The following CLIC6 variants were observed in gnomAD, a reference collection of about 807,000 sequenced individuals.
CLIC6 encodes chloride intracellular channel protein 6.
A neutral mutation model predicts 49.2 loss-of-function variants in CLIC6; 39 were observed. That is an observed-to-expected ratio of 0.79 (90% CI 0.61 to 1.04). The LOEUF (loss-of-function observed/expected upper bound fraction) is 1.04, where lower values mean the gene tolerates loss of function less well. CLIC6 is among the 50% of genes least tolerant of loss of function. CLIC6 has a pLI of 0.00. For synonymous variants in CLIC6, 446 were observed against 433.4 expected (o/e 1.03, Z -0.36); for missense variants, 988 against 993.1 (o/e 0.99, Z 0.07).
At chr21:34,685,662 G>A (rs1326783992) in intron 1 of CLIC6, among the ~76,000 whole-genome samples, 1 of 152,212 alleles carries the variant, frequency 6.6e-6, no homozygotes, top group Non-Finnish European at 1.5e-5. Context: ...TCTCCAAACA[G>A]AGAATCCAGT....
At chr21:34,701,726 C>A (rs976173574) in intron 1 of CLIC6, among the ~76,000 whole-genome samples, 1 of 152,134 alleles carries the variant, frequency 6.6e-6, no homozygotes, top group Non-Finnish European at 1.5e-5. Flanking sequence ...CCTGATGTTG[C>A]CTGAAAAGGG....
chr21:34,676,432 AG>A (rs1338207355), intron 1 of CLIC6, among the ~76,000 whole-genome samples: 1 of 152,230 alleles, frequency 6.6e-6, no homozygotes, highest in East Asian at 1.9e-4. Context: ...GCCCTCCCAG[AG>A]TTTACCATCT....
intron 1 of CLIC6, among the ~76,000 whole-genome samples, chr21:34,696,575 T>C (rs79714176): frequency 0.017 from 2,641 of 152,272 alleles, 74 homozygotes; most frequent in African/African-American, 0.059. Flanking sequence ...CCTCTCTGTG[T>C]CTTGGTTTTC....
At chr21:34,703,984 C>T (rs975505114) in intron 1 of CLIC6, among the ~76,000 whole-genome samples, 1 of 152,204 alleles carries the variant, frequency 6.6e-6, no homozygotes, top group Non-Finnish European at 1.5e-5. Flanking sequence ...CATTCTCAAA[C>T]TGCTTACTTT....
intron 1 of CLIC6, among the ~76,000 whole-genome samples, chr21:34,691,573 G>T (rs111761289): frequency 1.3e-5 from 2 of 150,982 alleles, no homozygotes; most frequent in Non-Finnish European, 2.9e-5. Context: ...AGGGAGTGTC[G>T]GGGAAAACTA....
intron 5 of CLIC6, among the ~76,000 whole-genome samples, chr21:34,710,685 C>T (rs571039670): frequency 3.3e-5 from 5 of 152,182 alleles, no homozygotes; most frequent in East Asian, 3.9e-4. Context: ...TGGTGGCGGG[C>T]ACCTGTACTC....
chr21:34,669,301 G>T lies in CLIC6; in HGVS notation c.-88G>T, dbSNP rs550290619. The T allele has an allele frequency of 9.2e-7, 1 of 1,084,948 alleles. No individual in the cohort carries two copies. Among genetic ancestry groups the T allele is most frequent in the African/African-American group, 1.6e-5 (1 of 61,650 alleles). The allele number at this position is 1,084,948 out of a possible 1,614,324, so 67.2% of individuals were successfully genotyped here. On this transcript the variant is annotated 5_prime_UTR_variant, in exon 1 of 6. Coordinates refer to ENST00000349499, the MANE Select transcript of CLIC6 (RefSeq NM_053277.3). ...CCGGCGTCCTTCAAGGAGCACAGAG[G>T]GCCCCGTAGCACGCCCCTTGCCCAG...
rs147692668 is a variant in CLIC6 at position 34,714,602 on chromosome 21, C to T, written c.1900-1719C>T. Reference sequence around the variant, plus strand: ...ACTCGGGAGGCTGAGGGAGGAAAATCGCTTGAACCTGGGAGGTGGAGGTTG... The same window carrying T: ...ACTCGGGAGGCTGAGGGAGGAAAATTGCTTGAACCTGGGAGGTGGAGGTTG... On this transcript the variant is annotated intron_variant, in intron 5 of 5. Coordinates refer to ENST00000349499, the MANE Select transcript of CLIC6 (RefSeq NM_053277.3). 1.8e-3 allele frequency among the ~76,000 whole-genome samples: 273 copies of T among 151,690 alleles called. 1 individual carries two copies. The highest frequency in any genetic ancestry group is 6.3e-3 in the African/African-American group (262 of 41,342).
intron 1 of CLIC6, among the ~76,000 whole-genome samples, chr21:34,671,589 C>A (rs1053771102): frequency 8.5e-5 from 13 of 152,186 alleles, no homozygotes; most frequent in African/African-American, 3.1e-4. Context: ...CAAAGCTCAG[C>A]AGCAGTTCAC....
At chr21:34,701,231 A>C (rs1001842309) in intron 1 of CLIC6, among the ~76,000 whole-genome samples, 2 of 138,264 alleles carry the variant, frequency 1.4e-5, no homozygotes, top group African/African-American at 5.7e-5. Flanking sequence ...GAACCCGGGA[A>C]GCGGAGCTTG....
intron 1 of CLIC6, among the ~76,000 whole-genome samples, chr21:34,678,413 AAG>A (rs1989714927): frequency 6.6e-6 from 1 of 151,904 alleles, no homozygotes. Context: ...CAGCCTGGGC[AAG>A]AGAGAGACTC....
chr21:34,698,905 G>T (rs1990137523), intron 1 of CLIC6, among the ~76,000 whole-genome samples: 1 of 152,192 alleles, frequency 6.6e-6, no homozygotes, highest in Admixed American at 6.5e-5. Context: ...GGCAAGAGTG[G>T]CTTCAAAAGC....
At chr21:34,709,598 T>A in intron 5 of CLIC6, 60 bp downstream of exon 5, 2 of 1,466,730 alleles carry the variant, frequency 1.4e-6, no homozygotes, top group East Asian at 4.6e-5. Context: ...TTTTATTTTG[T>A]TTTTACTTGT....
intron 1 of CLIC6, among the ~76,000 whole-genome samples, chr21:34,698,852 A>G (rs6517251): frequency 0.015 from 2,310 of 152,224 alleles, 55 homozygotes; most frequent in African/African-American, 0.052. Flanking sequence ...CGGGTTAGGA[A>G]TTCCAGCCAG....
chr21:34,702,619 G>A (rs939754308), intron 1 of CLIC6, among the ~76,000 whole-genome samples: 6 of 152,214 alleles, frequency 3.9e-5, no homozygotes, highest in African/African-American at 1.2e-4. Context: ...CAGGCGCAGC[G>A]GAGGTGGGGA....
chr21:34,680,653 A>G (rs974582793), intron 1 of CLIC6, among the ~76,000 whole-genome samples: 1 of 152,184 alleles, frequency 6.6e-6, no homozygotes, highest in East Asian at 1.9e-4. Flanking sequence ...TCTCTCTCAC[A>G]TTCAAAGTTC....
chr21:34,704,871 A>T (rs1027561120), intron 1 of CLIC6, among the ~76,000 whole-genome samples: 1 of 152,174 alleles, frequency 6.6e-6, no homozygotes, highest in Non-Finnish European at 1.5e-5. Flanking sequence ...CCCGTGCAAT[A>T]TAATTATTCT....
chr21:34,687,542 A>G (rs1989905356), intron 1 of CLIC6, among the ~76,000 whole-genome samples: 1 of 152,236 alleles, frequency 6.6e-6, no homozygotes, highest in Non-Finnish European at 1.5e-5. Context: ...TGTTTGCTCA[A>G]GGACTTCTTA....
rs1443311437 is a variant in CLIC6 at position 34,707,332 on chromosome 21, T to A, written c.1427T>A (p.Phe476Tyr). 1 of 1,614,070 alleles carries A rather than the reference T, an allele frequency of 6.2e-7. No homozygotes were observed. The highest frequency in any genetic ancestry group is 2.2e-5 in the East Asian group (1 of 44,870). ...AATTGCCCGTTTTCTCAGCGTCTCT[T>A]TATGATTCTCTGGCTGAAAGGCGTT... ...IGNCPFSQRLFMILWLKGVIF... is the reference protein window; with the variant it reads ...IGNCPFSQRLYMILWLKGVIF... The change falls in exon 2 of 6, where the codon TTT becomes TAT. Residue 476 changes from phenylalanine to tyrosine, a missense_variant. This residue lies in a region of CLIC6 where 647 missense variants were observed against 596.9 expected (regional missense o/e 1.08). Coordinates refer to ENST00000349499, the MANE Select transcript of CLIC6 (RefSeq NM_053277.3).
Sources: allele counts gnomAD v4.1 joint callset (sites outside exome capture counted in the v4.1 genomes callset), GRCh38; gene constraint gnomAD v4.1.1; regional missense constraint gnomAD v4.1.1; transcripts MANE v1.5; gene names NCBI Gene and HGNC (gene_info 2026-07-23, HGNC 2026-07-21).